POMT2: variants seen among roughly 807,000 people sequenced by gnomAD.
POMT2 encodes the protein protein O-mannosyl-transferase 2.
Under a neutral mutation model 100.0 loss-of-function variants are expected in POMT2, and 75 were observed. The observed-to-expected ratio is 0.75, with a 90% CI of 0.62 to 0.91. The LOEUF is 0.91. Ranked by LOEUF, POMT2 falls within the 40% of genes least tolerant of loss-of-function variation. The pLI, the probability that POMT2 is intolerant of heterozygous loss-of-function variation, is 0.00. For missense variants in POMT2, 940 were observed against 955.1 expected, an observed-to-expected ratio of 0.98 and a Z score of 0.21; for synonymous variants, 378 against 374.1, an observed-to-expected ratio of 1.01 and a Z score of -0.12.
chr14:77,304,129 G>C (rs553974635), intron 4 of POMT2, among the ~76,000 whole-genome samples: 56 of 152,276 alleles, frequency 3.7e-4, no homozygotes, highest in African/African-American at 1.3e-3. Flanking sequence ...AATTGGTCTA[G>C]ACTTCTTTAA....
In POMT2 at chr14:77,286,814, C is replaced by T. The variant is rs151078549; in HGVS notation, c.1262G>A (p.Arg421Gln). 6.2e-4 allele frequency: 993 copies of T among 1,614,036 alleles called. 1 individual carries two copies. In the African/African-American group the frequency reaches 0.011, roughly 18 times the overall value. ...IIRLEHKETS[R>Q]NLHSHYHEAP... is the part of the protein sequence containing the mutation. ...CTCATGATAGTGACTGTGCAAGTTC[C>T]GGGAAGTTCTAGAAGTTAGAAAAGA... Residue 421 changes from arginine (R) to glutamine (Q), a missense_variant, in exon 12 of 21, where the codon CGG becomes CAG. By Grantham distance (43) the Arg-to-Gln change is conservative (BLOSUM62 1). Coordinates refer to ENST00000261534, the MANE Select transcript of POMT2 (RefSeq NM_013382.7).
At chr14:77,314,076 G>A (rs75264088) in intron 1 of POMT2, among the ~76,000 whole-genome samples, 4,350 of 152,196 alleles carry the variant, frequency 0.029, 215 homozygotes, top group African/African-American at 0.1. Context: ...ATTTCCTCCT[G>A]GCTTTTATTG....
At chr14:77,302,657 A>G (rs1449943967) in intron 5 of POMT2, among the ~76,000 whole-genome samples, 178 bp downstream of exon 5, 1 of 152,116 alleles carries the variant, frequency 6.6e-6, no homozygotes. Context: ...ACTTTTTAAA[A>G]TCTATTTTTA....
Position 77,320,416 on chromosome 14 carries a change from G to C in POMT2, c.248+18C>G. 6.5e-7 allele frequency: 1 copy of C among 1,545,988 alleles called. No individual in the cohort carries two copies. On this transcript the variant is annotated intron_variant, in intron 1 of 20. Transcript: ENST00000261534. Reference sequence around the variant, plus strand: ...TCGCGGTTGCCATGGTGCCCGCCGAGTCCCTCCCATCACTCACCAGATGTG... The same window carrying C: ...TCGCGGTTGCCATGGTGCCCGCCGACTCCCTCCCATCACTCACCAGATGTG...
chr14:77,290,476 A>C (rs978823524), intron 10 of POMT2, among the ~76,000 whole-genome samples: 7 of 152,322 alleles, frequency 4.6e-5, no homozygotes, highest in African/African-American at 1.7e-4. Flanking sequence ...GCAGCTGCCC[A>C]TTTCTCTACA....
intron 13 of POMT2, 130 bp downstream of exon 13, chr14:77,285,351 C>T: frequency 8.0e-7 from 1 of 1,253,902 alleles, no homozygotes; most frequent in Non-Finnish European, 1.1e-6. Flanking sequence ...ATCTACTCTC[C>T]CTCCATCTGC....
chr14:77,309,014 C>T (rs1339917912), intron 2 of POMT2, among the ~76,000 whole-genome samples: 1 of 152,144 alleles, frequency 6.6e-6, no homozygotes, highest in Non-Finnish European at 1.5e-5. Flanking sequence ...CAGAATGAAG[C>T]GCATCTTCAT....
At chr14:77,308,741 T>C (rs1216000650) in intron 2 of POMT2, 3 of 454,450 alleles carry the variant, frequency 6.6e-6, no homozygotes, top group Non-Finnish European at 1.3e-5. Flanking sequence ...TGGGAGTATA[T>C]ATGATTACAA....
At chr14:77,300,856 CAA>C in intron 6 of POMT2, 1 of 558,118 alleles carries the variant, frequency 1.8e-6, no homozygotes, top group East Asian at 3.6e-5. Flanking sequence ...AAAACAAATG[CAA>C]AAAGAGACTT....
intron 14 of POMT2, 98 bp downstream of exon 14, chr14:77,284,852 G>T: frequency 9.4e-7 from 1 of 1,058,662 alleles, no homozygotes; most frequent in Non-Finnish European, 1.5e-6. Flanking sequence ...GCAGCAAGTT[G>T]AAGGGATAGC....
chr14:77,316,566 T>TTA (rs1405745578), intron 1 of POMT2, among the ~76,000 whole-genome samples: 1 of 77,568 alleles, frequency 1.3e-5, no homozygotes, highest in African/African-American at 5.4e-5. Context: ...ATCTCATCTC[T>TTA]AAAAAAAAAA....
intron 15 of POMT2, among the ~76,000 whole-genome samples, chr14:77,282,974 C>T (rs553500583): frequency 6.6e-6 from 1 of 152,302 alleles, no homozygotes; most frequent in South Asian, 2.1e-4. Context: ...GGGTCTTCCA[C>T]TAAACAGCAG....
At chr14:77,300,647 G>A (rs1346472393) in intron 6 of POMT2, 2 of 214,090 alleles carry the variant, frequency 9.3e-6, no homozygotes, top group African/African-American at 2.4e-5. Flanking sequence ...TGGTAGAACC[G>A]CATCTCTACT....
At chr14:77,295,512 G>T (rs1199410007) in intron 9 of POMT2, among the ~76,000 whole-genome samples, 1 of 151,806 alleles carries the variant, frequency 6.6e-6, no homozygotes, top group East Asian at 1.9e-4. Context: ...GGTGCCTGTA[G>T]TCCCAGCTAC....
chr14:77,320,144 C>A (rs1891801327), intron 1 of POMT2, among the ~76,000 whole-genome samples: 1 of 152,128 alleles, frequency 6.6e-6, no homozygotes, highest in Non-Finnish European at 1.5e-5. Context: ...GTTGAAAGCA[C>A]CTTTAAAAGC....
rs768256055 is a variant in POMT2, at chr14:77,286,776, G to A, written c.1300C>T (p.Arg434Trp). ...HSHYHEAPMT[R>W]KHYQVTGYGI... Reference sequence around the variant, plus strand: ...TAGCCGGTGACCTGATAGTGCTTCCGGGTCATGGGGGCCTCATGATAGTGA... The same window carrying A: ...TAGCCGGTGACCTGATAGTGCTTCCAGGTCATGGGGGCCTCATGATAGTGA... Residue 434 changes from arginine to tryptophan, a missense_variant, in exon 12 of 21, where the codon CGG becomes TGG. Coordinates refer to ENST00000261534, the MANE Select transcript of POMT2 (RefSeq NM_013382.7). 38 of 1,613,984 alleles carry A rather than the reference G, an allele frequency of 2.4e-5. No homozygotes were observed. The highest frequency in any genetic ancestry group is 1.2e-4 in the Admixed American group (7 of 59,990).
chr14:77,283,252 C>G (rs1890293835), intron 15 of POMT2, among the ~76,000 whole-genome samples: 1 of 152,224 alleles, frequency 6.6e-6, no homozygotes, highest in South Asian at 2.1e-4. Flanking sequence ...CTAACTGATC[C>G]TGATTTCATA....
chr14:77,293,738 G>A (rs1352297165), intron 9 of POMT2, among the ~76,000 whole-genome samples: 4 of 152,154 alleles, frequency 2.6e-5, no homozygotes, highest in South Asian at 2.1e-4. Flanking sequence ...GTCCCTTGGC[G>A]CAATGCACTT....
At chr14:77,291,878 C>T (rs1028493808) in intron 9 of POMT2, among the ~76,000 whole-genome samples, 3 of 152,048 alleles carry the variant, frequency 2.0e-5, no homozygotes, top group Admixed American at 6.6e-5. Flanking sequence ...ACTAAAAATA[C>T]AAAAATTAGC....
Sources: allele counts gnomAD v4.1 joint callset (sites outside exome capture counted in the v4.1 genomes callset), GRCh38; gene constraint gnomAD v4.1.1; transcripts MANE v1.5; gene names NCBI Gene and HGNC (gene_info 2026-07-23, HGNC 2026-07-21).